Variants in CPNE8 observed in about 807,000 individuals in gnomAD.
CPNE8 encodes copine-8.
In CPNE8, 45 loss-of-function variants were observed where a neutral mutation model predicts 81.5. That is an observed-to-expected ratio of 0.55 (90% CI 0.44 to 0.71). The LOEUF is 0.71. CPNE8 is among the 30% of genes least tolerant of loss of function. The probability of loss-of-function intolerance (pLI) is 0.00; values close to 1 mark genes in which losing one functional copy is unlikely to be tolerated. For synonymous variants in CPNE8, 252 were observed against 226.3 expected, an observed-to-expected ratio of 1.11 and a Z score of -1.02; for missense variants, 594 against 672.1, an observed-to-expected ratio of 0.88 and a Z score of 1.28.
At chr12:38,892,344 T>A (rs2137144978) in intron 1 of CPNE8, among the ~76,000 whole-genome samples, 1 of 152,306 alleles carries the variant, frequency 6.6e-6, no homozygotes, top group South Asian at 2.1e-4. Flanking sequence ...ACAGTGGAAG[T>A]TTCTGCAAAG....
intron 3 of CPNE8, 52 bp downstream of exon 3, chr12:38,872,952 A>C (rs1273192799): frequency 1.0e-6 from 1 of 1,004,016 alleles, no homozygotes; most frequent in East Asian, 2.4e-5. Context: ...TCAAGTTATA[A>C]CTTACTGTAT....
chr12:38,876,920 C>T (rs1037039749), intron 1 of CPNE8, among the ~76,000 whole-genome samples: 3 of 152,024 alleles, frequency 2.0e-5, no homozygotes, highest in Admixed American at 2.0e-4. Context: ...TTTTATCTTC[C>T]CAATATCCTA....
Position 38,672,324 on chromosome 12 carries a change from A to G in CPNE8, c.1433-1522T>C, listed in dbSNP as rs74087303. ...CAATACTGTATTAGCATGAAGTCCTATAAAATATCTCCCACTTTTCAGCAT... is the reference window on the plus strand; with the variant it reads ...CAATACTGTATTAGCATGAAGTCCTGTAAAATATCTCCCACTTTTCAGCAT... On this transcript the variant is annotated intron_variant, in intron 18 of 19. Coordinates refer to ENST00000331366, the MANE Select transcript of CPNE8 (RefSeq NM_153634.3). Among the ~76,000 whole-genome samples, 1,175 of 152,318 alleles carry G rather than the reference A, an allele frequency of 7.7e-3. 17 individuals carry two copies. Among genetic ancestry groups the G allele is most frequent in the African/African-American group, 0.027 (1,126 of 41,578 alleles).
At chr12:38,727,129 A>T (rs1940720346) in intron 11 of CPNE8, among the ~76,000 whole-genome samples, 1 of 152,154 alleles carries the variant, frequency 6.6e-6, no homozygotes, top group South Asian at 2.1e-4. Flanking sequence ...GTCAAAATCA[A>T]ATTTTTTCAT....
intron 6 of CPNE8, among the ~76,000 whole-genome samples, chr12:38,803,467 C>T (rs1942737154): frequency 6.6e-6 from 1 of 150,768 alleles, no homozygotes. Context: ...ACCCTTCATG[C>T]TAAAAACTTT....
At chr12:38,663,553 G>A (rs1159152856) in intron 19 of CPNE8, among the ~76,000 whole-genome samples, 1 of 152,046 alleles carries the variant, frequency 6.6e-6, no homozygotes, top group African/African-American at 2.4e-5. Context: ...CATTGTTGGT[G>A]GGAATGTAAA....
intron 15 of CPNE8, among the ~76,000 whole-genome samples, chr12:38,692,630 A>G (rs1939702730): frequency 6.6e-6 from 1 of 152,202 alleles, no homozygotes; most frequent in South Asian, 2.1e-4. Context: ...AAAGGCAGCA[A>G]AGGAGAGAAT....
chr12:38,838,685 C>T (rs941806274), intron 5 of CPNE8, among the ~76,000 whole-genome samples: 1 of 152,092 alleles, frequency 6.6e-6, no homozygotes, highest in Non-Finnish European at 1.5e-5. Flanking sequence ...GAGCAATAAG[C>T]TTGTTGCAGC....
intron 19 of CPNE8, among the ~76,000 whole-genome samples, chr12:38,663,846 C>G (rs1398892020): frequency 6.6e-6 from 1 of 151,964 alleles, no homozygotes; most frequent in Non-Finnish European, 1.5e-5. Context: ...CCGGAGGACA[C>G]TATGTTAACT....
intron 10 of CPNE8, among the ~76,000 whole-genome samples, chr12:38,758,716 G>T (rs1205120580): frequency 6.6e-6 from 1 of 152,058 alleles, no homozygotes; most frequent in African/African-American, 2.4e-5. Flanking sequence ...AGAATACCTG[G>T]TATGTTAGAA....
chr12:38,754,978 G>A (rs1941428210), intron 10 of CPNE8, among the ~76,000 whole-genome samples: 1 of 152,050 alleles, frequency 6.6e-6, no homozygotes, highest in African/African-American at 2.4e-5. Flanking sequence ...AAATATAAAA[G>A]GTTTACAAAT....
At chr12:38,724,718 A>G (rs1401835656) in intron 12 of CPNE8, 128 bp downstream of exon 12, 3 of 605,108 alleles carry the variant, frequency 5.0e-6, no homozygotes, top group African/African-American at 3.7e-5. Context: ...GTGTTCCTTC[A>G]TATTAAAACC....
intron 6 of CPNE8, among the ~76,000 whole-genome samples, chr12:38,795,099 CA>C (rs1442189306): frequency 1.3e-5 from 2 of 152,204 alleles, no homozygotes; most frequent in Non-Finnish European, 2.9e-5. Flanking sequence ...CCTTCAGCCA[CA>C]AACTGAAGCC....
chr12:38,767,104 A>G (rs1403224485), intron 8 of CPNE8, among the ~76,000 whole-genome samples: 4 of 152,146 alleles, frequency 2.6e-5, no homozygotes, highest in Admixed American at 1.3e-4. Context: ...GATATATTTA[A>G]TAGCAGAGCC....
intron 6 of CPNE8, among the ~76,000 whole-genome samples, chr12:38,783,573 T>A (rs1477128096): frequency 6.6e-6 from 1 of 152,124 alleles, no homozygotes; most frequent in Non-Finnish European, 1.5e-5. Context: ...AGAGGGAGCA[T>A]TTAAACTAGT....
At chr12:38,769,580 TG>T (rs1313981274) in intron 7 of CPNE8, among the ~76,000 whole-genome samples, 1 of 152,156 alleles carries the variant, frequency 6.6e-6, no homozygotes, top group African/African-American at 2.4e-5. Context: ...TCTAAGAACA[TG>T]GGGACATTCC....
intron 11 of CPNE8, among the ~76,000 whole-genome samples, chr12:38,728,924 G>T (rs1940767777): frequency 6.6e-6 from 1 of 152,116 alleles, no homozygotes; most frequent in Non-Finnish European, 1.5e-5. Context: ...TGAAGTCATG[G>T]CCTTACAGGG....
At chr12:38,880,982 G>T (rs562779507) in intron 1 of CPNE8, among the ~76,000 whole-genome samples, 1 of 152,202 alleles carries the variant, frequency 6.6e-6, no homozygotes, top group African/African-American at 2.4e-5. Context: ...AGGCCAAGAC[G>T]GGTGGATCAC....
intron 14 of CPNE8, among the ~76,000 whole-genome samples, chr12:38,696,344 A>T (rs1185060454): frequency 6.6e-6 from 1 of 150,680 alleles, no homozygotes; most frequent in African/African-American, 2.4e-5. Context: ...CTTTTCTCTT[A>T]TACTGTTATG....
Sources: allele counts gnomAD v4.1 joint callset (sites outside exome capture counted in the v4.1 genomes callset), GRCh38; gene constraint gnomAD v4.1.1; transcripts MANE v1.5; gene names NCBI Gene and HGNC (gene_info 2026-07-23, HGNC 2026-07-21).